LRRC4C: variants seen among roughly 807,000 people sequenced by gnomAD.
LRRC4C encodes the protein leucine rich repeat containing 4C.
In LRRC4C, 5 loss-of-function variants were observed where a neutral mutation model predicts 33.6. That is an observed-to-expected ratio of 0.15 (90% CI 0.08 to 0.31). The LOEUF (loss-of-function observed/expected upper bound fraction) is 0.31. Ranked by LOEUF, LRRC4C falls within the 10% of genes least tolerant of loss-of-function variation. The probability of loss-of-function intolerance (pLI) is 1.00; values close to 1 mark genes in which losing one functional copy is unlikely to be tolerated. For synonymous variants in LRRC4C, 329 were observed against 302.0 expected, an observed-to-expected ratio of 1.09 and a Z score of -0.93; for missense variants, 560 against 796.7, an observed-to-expected ratio of 0.70 and a Z score of 3.58.
At chr11:41,033,531 G>A (rs898825826) in intron 1 of LRRC4C, among the ~76,000 whole-genome samples, 15 of 152,028 alleles carry the variant, frequency 9.9e-5, no homozygotes, top group African/African-American at 3.4e-4. Flanking sequence ...TGGTTCACCT[G>A]AGACTTTCTG....
intron 3 of LRRC4C, among the ~76,000 whole-genome samples, chr11:40,624,332 T>C (rs2135970612): frequency 6.6e-6 from 1 of 152,238 alleles, no homozygotes; most frequent in Non-Finnish European, 1.5e-5. Context: ...GCTCATTTTG[T>C]CCCCCATTAC....
rs373326924 is a variant in LRRC4C at position 41,301,362 on chromosome 11, T to A, written c.-496+158069A>T. Among the ~76,000 whole-genome samples the A allele has an allele frequency of 6.1e-4, 93 of 152,286 alleles. 2 individuals carry two copies. The South Asian group carries it at 0.019, about 31-fold the overall frequency. The stretch of plus-strand genomic sequence containing the variant: ...TTGAATGCTTTGTAAAGTTTTGATG[T>A]TAGTGAGTTGCTAAAAGCTTTGTTG... On this transcript the variant is annotated intron_variant, in intron 1 of 6. Coordinates refer to ENST00000528697, the MANE Select transcript of LRRC4C (RefSeq NM_001258419.2).
intron 2 of LRRC4C, among the ~76,000 whole-genome samples, chr11:40,769,672 T>C (rs1216683301): frequency 6.6e-6 from 1 of 151,968 alleles, no homozygotes; most frequent in Non-Finnish European, 1.5e-5. Flanking sequence ...CAGAAGTAAA[T>C]CCATACATCT....
chr11:40,277,991 C>A (rs775230582), intron 4 of LRRC4C, among the ~76,000 whole-genome samples: 4 of 152,104 alleles, frequency 2.6e-5, no homozygotes, highest in Non-Finnish European at 4.4e-5. Context: ...CCAGGAAAAC[C>A]CTACTCCAAC....
intron 3 of LRRC4C, among the ~76,000 whole-genome samples, chr11:40,592,838 G>C (rs192179028): frequency 7.2e-5 from 11 of 152,284 alleles, no homozygotes; most frequent in Middle Eastern, 3.4e-3. Flanking sequence ...TCTACTGGGT[G>C]TATCTTGTCT....
At chr11:41,012,640 A>C (rs1855291677) in intron 1 of LRRC4C, among the ~76,000 whole-genome samples, 1 of 152,166 alleles carries the variant, frequency 6.6e-6, no homozygotes, top group African/African-American at 2.4e-5. Flanking sequence ...TTCTATTTTT[A>C]GATTTTTGAA....
At position 40,990,273 on chromosome 11, in the gene LRRC4C, A is replaced by ATATG. The variant is rs1437531251; in HGVS notation, c.-495-56551_-495-56550insCATA. On this transcript the variant is annotated intron_variant, in intron 1 of 6. Coordinates refer to ENST00000528697, the MANE Select transcript of LRRC4C (RefSeq NM_001258419.2). ...TATATATATATATATATATATATAT[A>ATATG]TGAATATATGAGTATTCTTGACACA... Among the ~76,000 whole-genome samples the ATATG allele has an allele frequency of 4.7e-5, 6 of 127,438 alleles. No individual in the cohort carries two copies. The South Asian group carries it at 9.9e-4, about 21-fold the overall frequency. 83.6% of individuals were successfully genotyped at this position (127,438 alleles called of 152,430 possible). A position where few individuals can be genotyped will look rare whatever the true frequency, so the allele number is the denominator to read the frequency against.
At chr11:40,120,442 G>A (rs531078408) in intron 6 of LRRC4C, among the ~76,000 whole-genome samples, 48 of 152,056 alleles carry the variant, frequency 3.2e-4, no homozygotes, top group African/African-American at 1.1e-3. Context: ...CATGACCATC[G>A]AAAATTTATC....
At chr11:40,656,354 C>T (rs532267591) in intron 2 of LRRC4C, among the ~76,000 whole-genome samples, 2 of 151,474 alleles carry the variant, frequency 1.3e-5, no homozygotes, top group East Asian at 3.9e-4. Context: ...AATATATGGC[C>T]ATATATACTG....
At chr11:40,254,148 G>A (rs1289847882) in intron 4 of LRRC4C, among the ~76,000 whole-genome samples, 3 of 152,188 alleles carry the variant, frequency 2.0e-5, no homozygotes. Context: ...GCCCAGAAAG[G>A]TGTGGCAATG....
intron 1 of LRRC4C, among the ~76,000 whole-genome samples, chr11:41,338,736 C>T (rs1473232086): frequency 6.6e-6 from 1 of 151,940 alleles, no homozygotes; most frequent in Non-Finnish European, 1.5e-5. Flanking sequence ...AAAATAAATG[C>T]TTGGCATTGT....
intron 1 of LRRC4C, among the ~76,000 whole-genome samples, chr11:41,065,644 G>A (rs933874571): frequency 6.6e-6 from 1 of 152,118 alleles, no homozygotes; most frequent in African/African-American, 2.4e-5. Context: ...AGGGGTCTAC[G>A]GACAGCTCAT....
chr11:41,082,690 C>T (rs1021400773), intron 1 of LRRC4C, among the ~76,000 whole-genome samples: 1 of 152,176 alleles, frequency 6.6e-6, no homozygotes. Flanking sequence ...GCAACTTGTG[C>T]TCTTAACTGC....
intron 3 of LRRC4C, among the ~76,000 whole-genome samples, chr11:40,472,307 C>T (rs920246511): frequency 1.3e-5 from 2 of 151,102 alleles, no homozygotes; most frequent in African/African-American, 4.9e-5. Flanking sequence ...AAAAGAAACT[C>T]ACTCAAAACC....
At position 40,978,157 on chromosome 11, in the gene LRRC4C, GA is replaced by G. The variant is rs1852221133; in HGVS notation, c.-495-44435del. 3.3e-5 allele frequency among the ~76,000 whole-genome samples: 5 copies of G among 152,194 alleles called. No homozygotes were observed. In the South Asian group the frequency reaches 1.0e-3, roughly 32 times the overall value. ...TTATTATTGCATTAGGCTCTCCGTT[GA>G]TCTTCCAAATCTTCTCCTGTCTTTA... On this transcript the variant is annotated intron_variant, in intron 1 of 6. Coordinates refer to ENST00000528697, the MANE Select transcript of LRRC4C (RefSeq NM_001258419.2).
chr11:41,259,554 A>G lies in LRRC4C; in HGVS notation c.-496+199877T>C, dbSNP rs142960068. Among the ~76,000 whole-genome samples, 315 of 152,124 alleles carry G rather than the reference A, an allele frequency of 2.1e-3. 1 individual carries two copies. Among genetic ancestry groups the G allele is most frequent in the Middle Eastern group, 3.4e-3 (1 of 294 alleles). On this transcript the variant is annotated intron_variant, in intron 1 of 6. Transcript: ENST00000528697. ...GCTTGACAATCTGGGATACAGAAAA[A>G]GAAGGCATTGTTTAATCACATATGC...
intron 3 of LRRC4C, among the ~76,000 whole-genome samples, chr11:40,535,416 G>T (rs144345035): frequency 4.7e-4 from 71 of 152,272 alleles, no homozygotes; most frequent in African/African-American, 1.6e-3. Flanking sequence ...ACCCTTTAGG[G>T]TGTCCTTGAT....
intron 4 of LRRC4C, among the ~76,000 whole-genome samples, chr11:40,260,339 G>T (rs1242728006): frequency 6.8e-6 from 1 of 146,382 alleles, no homozygotes; most frequent in Non-Finnish European, 1.5e-5. Flanking sequence ...TCACTCATAG[G>T]TGGGAATTGA....
Position 40,863,725 on chromosome 11 carries a change from T to C in LRRC4C, c.-407+69910A>G, listed in dbSNP as rs142100617. ...GCAAATACTCAGATACCAGCAGAGA[T>C]GGAAATCCTTCTTGTTGCTATTCAT... On this transcript the variant is annotated intron_variant, in intron 2 of 6. Transcript: ENST00000528697. 9.2e-5 allele frequency among the ~76,000 whole-genome samples: 14 copies of C among 152,332 alleles called. No individual in the cohort carries two copies. In the East Asian group the frequency reaches 2.5e-3, roughly 27 times the overall value.
Sources: gnomAD v4.1 joint callset for allele counts (sites outside exome capture counted in the v4.1 genomes callset) on GRCh38, gnomAD v4.1.1 for gene constraint, MANE v1.5 for transcripts, NCBI Gene and HGNC (gene_info 2026-07-23, HGNC 2026-07-21) for gene names.